LSAMP: variants seen among roughly 807,000 people sequenced by gnomAD.
LSAMP encodes limbic system associated membrane protein.
Under a neutral mutation model 38.6 loss-of-function variants are expected in LSAMP, and 7 were observed. That is an observed-to-expected ratio of 0.18 (90% CI 0.10 to 0.34). LSAMP has a LOEUF of 0.34. LSAMP is among the 10% of genes least tolerant of loss of function. LSAMP has a pLI of 1.00. For missense variants in LSAMP, 313 were observed against 420.0 expected (o/e 0.75, Z 2.23); for synonymous variants, 154 against 166.8 (o/e 0.92, Z 0.59).
chr3:116,308,191 A>G (rs546826888), intron 1 of LSAMP, among the ~76,000 whole-genome samples: 2 of 151,974 alleles, frequency 1.3e-5, no homozygotes, highest in Non-Finnish European at 2.9e-5. Flanking sequence ...CTTACATGTC[A>G]TCTATACAAA....
chr3:115,861,132 TCCTTCCTTCCTTCCTTCCTTCC>T (rs1935674527), intron 3 of LSAMP, among the ~76,000 whole-genome samples: 1 of 7,182 alleles, frequency 1.4e-4, no homozygotes, highest in South Asian at 5.4e-3. Context: ...CTTCTTTCTT[TCCTTCCTTCCTTCCTTCCTTCC>T]TTCCTTCCTT....
chr3:116,344,707 AT>A (rs1215667923), intron 1 of LSAMP, among the ~76,000 whole-genome samples: 2 of 152,132 alleles, frequency 1.3e-5, no homozygotes, highest in Non-Finnish European at 2.9e-5. Context: ...TTCTATGCAT[AT>A]TTAATCAATA....
chr3:116,339,569 G>A (rs1230482716), intron 1 of LSAMP, among the ~76,000 whole-genome samples: 1 of 151,776 alleles, frequency 6.6e-6, no homozygotes, highest in Non-Finnish European at 1.5e-5. Context: ...CTCTCCCCTG[G>A]AACCTGGACT....
rs557782744 is a variant in LSAMP, at chr3:115,831,365, G to A, written c.919+10480C>T. ...GCTGATTGAGTCCAGAGAGCCCCAC[G>A]CTCAAGGGAATTTTTCGCTTGAGAG... is the stretch of plus-strand genomic sequence containing the variant. On this transcript the variant is annotated intron_variant, in intron 6 of 6. Coordinates refer to ENST00000490035, the MANE Select transcript of LSAMP (RefSeq NM_002338.5). Among the ~76,000 whole-genome samples, 4 of 152,288 alleles carry A rather than the reference G, an allele frequency of 2.6e-5. No homozygotes were observed. The South Asian group carries it at 8.3e-4, about 32-fold the overall frequency.
intron 1 of LSAMP, among the ~76,000 whole-genome samples, chr3:116,146,950 CAA>C (rs997577132): frequency 3.3e-5 from 5 of 151,940 alleles, no homozygotes; most frequent in African/African-American, 1.2e-4. Flanking sequence ...TAACCATAAA[CAA>C]AATGAGCAAG....
chr3:116,351,093 C>G (rs987782318), intron 1 of LSAMP, among the ~76,000 whole-genome samples: 1 of 151,276 alleles, frequency 6.6e-6, no homozygotes, highest in African/African-American at 2.4e-5. Flanking sequence ...TTTTTTCAGC[C>G]CTGAAAGTTT....
intron 1 of LSAMP, among the ~76,000 whole-genome samples, chr3:116,139,446 C>A (rs1001651626): frequency 2.6e-5 from 4 of 151,930 alleles, no homozygotes; most frequent in African/African-American, 9.7e-5. Context: ...GTTTTTACTG[C>A]CATAAATGAA....
In LSAMP at chr3:116,388,109, G is replaced by T. The variant is rs182680658; in HGVS notation, c.155+56768C>A. On this transcript the variant is annotated intron_variant, in intron 1 of 6. Coordinates refer to ENST00000490035, the MANE Select transcript of LSAMP (RefSeq NM_002338.5). ...TTGGTGGTGGGGGCAAGTAGAGAGA[G>T]AGGGGCATTTTGGCCAAGAAAGGAA... Among the ~76,000 whole-genome samples, 75 of 152,206 alleles carry T rather than the reference G, an allele frequency of 4.9e-4. 1 individual carries two copies. The highest frequency in any genetic ancestry group is 1.7e-3 in the African/African-American group (72 of 41,512).
rs377671628 is a variant in LSAMP at position 116,266,207 on chromosome 3, T to C, written c.155+178670A>G. Among the ~76,000 whole-genome samples the C allele has an allele frequency of 6.6e-5, 10 of 152,284 alleles. No individual in the cohort carries two copies. In the East Asian group the frequency reaches 1.4e-3, roughly 21 times the overall value. On this transcript the variant is annotated intron_variant, in intron 1 of 6. Coordinates refer to ENST00000490035, the MANE Select transcript of LSAMP (RefSeq NM_002338.5). Reference sequence around the variant, plus strand: ...ACTGCAGAGAAATACTACTTAATTATCACACCACGTAACTAATTAAAAGCA... The same window carrying C: ...ACTGCAGAGAAATACTACTTAATTACCACACCACGTAACTAATTAAAAGCA...
chr3:116,137,736 G>C (rs539305118), intron 1 of LSAMP, among the ~76,000 whole-genome samples: 33 of 152,196 alleles, frequency 2.2e-4, no homozygotes, highest in African/African-American at 7.7e-4. Context: ...GAAATATTTT[G>C]TATTCTAGAG....
chr3:116,150,955 C>T (rs1053665967), intron 1 of LSAMP, among the ~76,000 whole-genome samples: 1 of 151,950 alleles, frequency 6.6e-6, no homozygotes, highest in African/African-American at 2.4e-5. Context: ...TAATAGTGTT[C>T]CCAGGTGGTG....
intron 1 of LSAMP, among the ~76,000 whole-genome samples, chr3:116,235,637 T>A (rs2107632863): frequency 6.6e-6 from 1 of 152,320 alleles, no homozygotes; most frequent in South Asian, 2.1e-4. Flanking sequence ...CCATTGTCAT[T>A]CAATTTTTCA....
intron 1 of LSAMP, among the ~76,000 whole-genome samples, chr3:116,091,084 G>A (rs754300863): frequency 9.9e-5 from 15 of 152,166 alleles, no homozygotes; most frequent in Non-Finnish European, 1.6e-4. Context: ...ATAAGAGACA[G>A]GTACGCCCCT....
intron 3 of LSAMP, among the ~76,000 whole-genome samples, chr3:115,874,197 G>A (rs1936123418): frequency 6.6e-6 from 1 of 152,014 alleles, no homozygotes. Flanking sequence ...TAATGTAAAC[G>A]GCACATGCTG....
intron 1 of LSAMP, among the ~76,000 whole-genome samples, chr3:116,178,668 CCAAA>C (rs1710411490): frequency 6.6e-6 from 1 of 152,110 alleles, no homozygotes; most frequent in South Asian, 2.1e-4. Flanking sequence ...AAAAAGGCTA[CCAAA>C]CAAAGAAACA....
intron 1 of LSAMP, among the ~76,000 whole-genome samples, chr3:116,353,964 T>C (rs1057376794): frequency 2.0e-5 from 3 of 152,110 alleles, no homozygotes; most frequent in African/African-American, 7.2e-5. Flanking sequence ...TGTAAAAAAT[T>C]TTATTCTGAA....
At chr3:116,308,979 A>C (rs1474682797) in intron 1 of LSAMP, among the ~76,000 whole-genome samples, 1 of 152,130 alleles carries the variant, frequency 6.6e-6, no homozygotes, top group Non-Finnish European at 1.5e-5. Context: ...GACAACATTA[A>C]GGACAACTTT....
chr3:115,986,126 A>G lies in LSAMP; in HGVS notation c.514+33389T>C, dbSNP rs150309836. On this transcript the variant is annotated intron_variant, in intron 3 of 6. Transcript: ENST00000490035. ...CAACTGCTTCTTGATCTCAAATGGT[A>G]ACAGGTGGAATTTTAAAAGACTTAG... 7.2e-5 allele frequency among the ~76,000 whole-genome samples: 11 copies of G among 152,294 alleles called. No homozygotes were observed. In the East Asian group the frequency reaches 2.1e-3, roughly 29 times the overall value.
At chr3:116,299,554 G>T (rs75947092) in intron 1 of LSAMP, among the ~76,000 whole-genome samples, 2,645 of 152,206 alleles carry the variant, frequency 0.017, 45 homozygotes, top group Non-Finnish European at 0.023. Flanking sequence ...TATAAATTAG[G>T]CTTGCTCTTT....
Sources: allele counts gnomAD v4.1 joint callset (sites outside exome capture counted in the v4.1 genomes callset), GRCh38; gene constraint gnomAD v4.1.1; transcripts MANE v1.5; gene names NCBI Gene and HGNC (gene_info 2026-07-23, HGNC 2026-07-21).